NUMB: variants seen among roughly 807,000 people sequenced by gnomAD.
NUMB encodes protein numb homolog.
A neutral mutation model predicts 59.7 loss-of-function variants in NUMB; 29 were observed. The ratio of observed to expected loss-of-function variants is 0.49; its 90% confidence interval spans 0.36 to 0.66. The LOEUF is 0.66. Ranked by LOEUF, NUMB falls within the 30% of genes least tolerant of loss-of-function variation. NUMB has a pLI of 0.00. For missense variants in NUMB, 723 were observed against 822.0 expected (o/e 0.88, Z 1.47); for synonymous variants, 288 against 288.2 (o/e 1.00, Z 0.01).
chr14:73,438,126 C>T (rs1230253033), intron 1 of NUMB, among the ~76,000 whole-genome samples: 2 of 152,160 alleles, frequency 1.3e-5, no homozygotes, highest in Non-Finnish European at 1.5e-5. Context: ...TTTTGCTCTC[C>T]TGAGAGCTCT....
At chr14:73,434,241 T>C (rs935158407) in intron 1 of NUMB, among the ~76,000 whole-genome samples, 2 of 152,194 alleles carry the variant, frequency 1.3e-5, no homozygotes, top group African/African-American at 2.4e-5. Context: ...TATCTAGGTT[T>C]GAATCCCAGT....
chr14:73,355,736 G>T lies in NUMB; in HGVS notation c.16C>A (p.Gln6Lys). The change falls in exon 4 of 13, where the codon CAA (glutamine) becomes AAA (lysine). Residue 6 changes from glutamine to lysine, a missense_variant. By Grantham distance (53) the Gln-to-Lys change is moderately conservative (BLOSUM62 1). Coordinates refer to ENST00000555238, the MANE Select transcript of NUMB (RefSeq NM_001005743.2). MNKLR[Q>K]SFRRKKDVYV... ...ACATCCTTCTTTCTCCTAAAACTTT[G>T]CCGTAATTTGTTCATTTTAATTTTT... 1 of 1,611,788 alleles carries T rather than the reference G, an allele frequency of 6.2e-7. No individual in the cohort carries two copies. Among genetic ancestry groups the T allele is most frequent in the Non-Finnish European group, 8.5e-7 (1 of 1,178,572 alleles).
Position 73,359,846 on chromosome 14 carries a change from CTT to C in NUMB, c.-15-4082_-15-4081del, listed in dbSNP as rs780322189. Among the ~76,000 whole-genome samples the C allele has an allele frequency of 3.3e-5, 5 of 152,004 alleles. No individual in the cohort carries two copies. In the South Asian group the frequency reaches 8.3e-4, roughly 25 times the overall value. ...TATCTCTTCAATTCTTTAGTCCTCT[CTT>C]GTCTTGCTCCTCTCTTTTTCCCTCA... On this transcript the variant is annotated intron_variant, in intron 3 of 12. Transcript: ENST00000555238.
At chr14:73,382,490 A>G (rs1183985639) in intron 2 of NUMB, among the ~76,000 whole-genome samples, 2 of 151,994 alleles carry the variant, frequency 1.3e-5, no homozygotes, top group African/African-American at 4.8e-5. Flanking sequence ...AGTCTCACAG[A>G]AAAATTAAGA....
chr14:73,307,406 A>G (rs1594888429), intron 6 of NUMB, among the ~76,000 whole-genome samples: 1 of 152,064 alleles, frequency 6.6e-6, no homozygotes, highest in South Asian at 2.1e-4. Context: ...TAAATGCCTG[A>G]GAATGGGGCT....
At chr14:73,391,411 A>AAAAAAG (rs1460221519) in intron 2 of NUMB, among the ~76,000 whole-genome samples, 1 of 152,008 alleles carries the variant, frequency 6.6e-6, no homozygotes, top group African/African-American at 2.4e-5. Flanking sequence ...TATCTAAAAG[A>AAAAAAG]AAAAAGAAAA....
In NUMB at chr14:73,358,604, T is replaced by TC. The variant is rs761645311; in HGVS notation, c.-15-2839_-15-2838insG. On this transcript the variant is annotated intron_variant, in intron 3 of 12. Coordinates refer to ENST00000555238, the MANE Select transcript of NUMB (RefSeq NM_001005743.2). ...TTAACCTCTTCAGGAAAGCTAGACT[T>TC]TTTTTTTTTTTTTTTTTTTTTGACA... is the stretch of plus-strand genomic sequence containing the variant. Among the ~76,000 whole-genome samples, 284 of 71,030 alleles carry TC rather than the reference T, an allele frequency of 4.0e-3. 17 individuals carry two copies. The highest frequency in any genetic ancestry group is 7.9e-3 in the Middle Eastern group (1 of 126). 46.6% of individuals were successfully genotyped at this position (71,030 alleles called of 152,430 possible).
chr14:73,355,431 C>A (rs890665112), intron 4 of NUMB, among the ~76,000 whole-genome samples, 195 bp downstream of exon 4: 1 of 152,136 alleles, frequency 6.6e-6, no homozygotes, highest in Non-Finnish European at 1.5e-5. Context: ...AAAAAGAAAA[C>A]TCCCTAATTA....
intron 1 of NUMB, among the ~76,000 whole-genome samples, chr14:73,429,737 G>C (rs1018800778): frequency 1.3e-5 from 2 of 152,198 alleles, no homozygotes; most frequent in African/African-American, 4.8e-5. Context: ...GAGGCCAGGA[G>C]TTTCAGACCA....
intron 5 of NUMB, 185 bp downstream of exon 5, chr14:73,322,945 C>G (rs771025645): frequency 2.2e-6 from 1 of 448,230 alleles, no homozygotes; most frequent in Non-Finnish European, 4.0e-6. Context: ...CCTGCCTCAG[C>G]CTCCCAAAGT....
chr14:73,297,399 G>C (rs1253648501), intron 6 of NUMB, 114 bp from the exon 7 acceptor site: 4 of 702,436 alleles, frequency 5.7e-6, no homozygotes, highest in Non-Finnish European at 1.0e-5. Flanking sequence ...AGTACAGATG[G>C]AGTCCAAGTT....
chr14:73,352,510 ATATATATATATATATATATGT>A (rs1893424768), intron 4 of NUMB, among the ~76,000 whole-genome samples: 2 of 12,406 alleles, frequency 1.6e-4, no homozygotes, highest in Admixed American at 1.5e-3. Flanking sequence ...ATATATATAT[ATATATATATATATATATATGT>A]TTTTTTTTTT....
At position 73,352,459 on chromosome 14, in the gene NUMB, T is replaced by TACACACAC. The variant is rs60134093; in HGVS notation, c.126+3159_126+3166dup. Among the ~76,000 whole-genome samples, 90 of 19,482 alleles carry TACACACAC rather than the reference T, an allele frequency of 4.6e-3. 9 individuals carry two copies. Among genetic ancestry groups the TACACACAC allele is most frequent in the Non-Finnish European group, 6.6e-3 (77 of 11,698 alleles). 12.8% of individuals were successfully genotyped at this position (19,482 alleles called of 152,430 possible). On this transcript the variant is annotated intron_variant, in intron 4 of 12. Transcript: ENST00000555238. ...ACACACACACACACACACACACACA[T>TACACACAC]ACACACACACACACACACATATATA...
At chr14:73,292,990 G>A (rs1889495818) in intron 7 of NUMB, 116 bp from the exon 8 acceptor site, 1 of 1,000,122 alleles carries the variant, frequency 1.0e-6, no homozygotes. Context: ...ACTAGGCTAT[G>A]GAATACCTAG....
At chr14:73,340,423 C>G (rs1005216024) in intron 4 of NUMB, among the ~76,000 whole-genome samples, 2 of 152,190 alleles carry the variant, frequency 1.3e-5, no homozygotes, top group East Asian at 1.9e-4. Context: ...TTCCCCTCCC[C>G]CAGTGTGCCT....
chr14:73,279,977 C>T lies in NUMB; in HGVS notation c.1097-553G>A, dbSNP rs565654322. 5.9e-5 allele frequency among the ~76,000 whole-genome samples: 9 copies of T among 152,108 alleles called. 1 individual carries two copies. The South Asian group carries it at 1.9e-3, about 32-fold the overall frequency. On this transcript the variant is annotated intron_variant, in intron 11 of 12. Coordinates refer to ENST00000555238, the MANE Select transcript of NUMB (RefSeq NM_001005743.2). ...TTCGAGACCAGCCTGGCCAACGTGG[C>T]GAAACCCCGTCTCTACTAAAAATAC...
At chr14:73,403,693 C>T (rs891935893) in intron 2 of NUMB, among the ~76,000 whole-genome samples, 1 of 151,674 alleles carries the variant, frequency 6.6e-6, no homozygotes, top group African/African-American at 2.4e-5. Flanking sequence ...TGGTGGCTCA[C>T]GCCTGTAATC....
chr14:73,389,361 C>T (rs144339834), intron 2 of NUMB, among the ~76,000 whole-genome samples: 18 of 150,362 alleles, frequency 1.2e-4, no homozygotes, highest in African/African-American at 4.4e-4. Flanking sequence ...GAGACGGAGT[C>T]CTGCTCTGTC....
chr14:73,445,387 A>C (rs890372903), intron 1 of NUMB, among the ~76,000 whole-genome samples: 12 of 134,070 alleles, frequency 9.0e-5, no homozygotes, highest in Middle Eastern at 3.5e-3. Context: ...AAAAAAAAAA[A>C]AAAAAAAAAC....
Sources: allele counts gnomAD v4.1 joint callset (sites outside exome capture counted in the v4.1 genomes callset), GRCh38; gene constraint gnomAD v4.1.1; transcripts MANE v1.5; gene names NCBI Gene and HGNC (gene_info 2026-07-23, HGNC 2026-07-21).